Variants in SLC39A10 observed in about 807,000 individuals in gnomAD.
SLC39A10 encodes zinc transporter ZIP10.
Under a neutral mutation model 65.1 loss-of-function variants are expected in SLC39A10, and 13 were observed. That is an observed-to-expected ratio of 0.20 (90% CI 0.13 to 0.32). The LOEUF (loss-of-function observed/expected upper bound fraction) is 0.32. Among genes scored for constraint, SLC39A10 ranks in the 10% least tolerant of loss-of-function variants. The pLI, the probability that SLC39A10 is intolerant of heterozygous loss-of-function variation, is 1.00. For synonymous variants in SLC39A10, 321 were observed against 342.2 expected (o/e 0.94, Z 0.68); for missense variants, 831 against 1,018.4 (o/e 0.82, Z 2.50).
At chr2:195,646,249 C>G (rs1174608790) in intron 2 of SLC39A10, among the ~76,000 whole-genome samples, 1 of 152,108 alleles carries the variant, frequency 6.6e-6, no homozygotes, top group East Asian at 1.9e-4. Flanking sequence ...CTCAACAATT[C>G]TTTTTATTTT....
At chr2:195,725,682 A>G (rs143956502) in intron 8 of SLC39A10, among the ~76,000 whole-genome samples, 1 of 152,326 alleles carries the variant, frequency 6.6e-6, no homozygotes, top group East Asian at 1.9e-4. Flanking sequence ...GGCTTTCTTC[A>G]TAATTGCCAA....
chr2:195,645,556 C>T (rs939990206), intron 2 of SLC39A10, among the ~76,000 whole-genome samples: 7 of 152,188 alleles, frequency 4.6e-5, no homozygotes, highest in South Asian at 2.1e-4. Flanking sequence ...CAAACAGAAA[C>T]GCTACCAATT....
rs1017151227 is a variant in SLC39A10, at chr2:195,699,165, T to C, written c.1217-7451T>C. 9.9e-5 allele frequency among the ~76,000 whole-genome samples: 15 copies of C among 152,036 alleles called. 1 individual carries two copies. The highest frequency in any genetic ancestry group is 1.9e-4 in the Non-Finnish European group (13 of 67,918). On this transcript the variant is annotated intron_variant, in intron 3 of 9. Coordinates refer to ENST00000359634, the MANE Select transcript of SLC39A10 (RefSeq NM_020342.3). ...ACATCCCCACTTTAATTTCTGAATT[T>C]AGTAATTTGTATCTTCTCTCTTTTT...
At chr2:195,623,901 C>CCACACACACA (rs67959883) in intron 2 of SLC39A10, among the ~76,000 whole-genome samples, 15 of 142,846 alleles carry the variant, frequency 1.1e-4, no homozygotes, top group African/African-American at 2.9e-4. Context: ...AAACAAAAAA[C>CCACACACACA]CACACACACA....
At chr2:195,672,183 C>T in intron 1 of SLC39A10, among the ~76,000 whole-genome samples, 1 of 151,894 alleles carries the variant, frequency 6.6e-6, no homozygotes, top group East Asian at 1.9e-4. Flanking sequence ...CTGGAGTGCA[C>T]AGCACAGCAC....
intron 2 of SLC39A10, among the ~76,000 whole-genome samples, chr2:195,616,825 A>C (rs576777666): frequency 1.3e-5 from 2 of 151,268 alleles, no homozygotes; most frequent in African/African-American, 2.4e-5. Context: ...GGATGGTCTC[A>C]ATCTCCTGAC....
At chr2:195,640,875 T>A (rs964014173) in intron 2 of SLC39A10, among the ~76,000 whole-genome samples, 2 of 152,060 alleles carry the variant, frequency 1.3e-5, no homozygotes, top group Admixed American at 1.3e-4. Flanking sequence ...GTCGACAGGT[T>A]AAGGATAAAG....
intron 5 of SLC39A10, among the ~76,000 whole-genome samples, chr2:195,711,122 A>C (rs776072194): frequency 3.8e-4 from 58 of 152,210 alleles, no homozygotes; most frequent in Non-Finnish European, 6.6e-4. Context: ...TAGATATTGC[A>C]AAGTTTGTAA....
chr2:195,648,092 C>T (rs1688961536), intron 2 of SLC39A10, among the ~76,000 whole-genome samples: 1 of 152,110 alleles, frequency 6.6e-6, no homozygotes, highest in African/African-American at 2.4e-5. Context: ...TCCTGGGCTC[C>T]AGTGATCCTC....
At chr2:195,690,173 G>GAAAAAAAAAAA (rs34116515) in intron 3 of SLC39A10, among the ~76,000 whole-genome samples, 3 of 61,150 alleles carry the variant, frequency 4.9e-5, no homozygotes, top group Non-Finnish European at 9.3e-5. Context: ...GAGACTCTCT[G>GAAAAAAAAAAA]AAAAAAAAAA....
At position 195,728,307 on chromosome 2, in the gene SLC39A10, A is replaced by G. The variant is rs1439613224; in HGVS notation, c.2295A>G (p.Ala765=). The change falls in exon 9 of 10, where the codon GCA becomes GCG. Residue 765 remains alanine (A), a synonymous_variant. Transcript: ENST00000359634. This position sits in a 1 kb window ranked among gnomAD's most constrained non-coding sequence, Gnocchi z 4.4. ...YANNITLWIF[A]VTAGMFLYVA... is the part of the protein sequence containing the mutation. The stretch of plus-strand genomic sequence containing the variant: ...ATAACATCACACTTTGGATCTTTGC[A>G]GTCACTGCAGGCATGTTCCTCTATG... The G allele has an allele frequency of 6.2e-7, 1 of 1,614,056 alleles. No homozygotes were observed. Among genetic ancestry groups the G allele is most frequent in the African/African-American group, 1.3e-5 (1 of 75,060 alleles).
chr2:195,715,080 A>G (rs1201726813), intron 6 of SLC39A10, among the ~76,000 whole-genome samples: 7 of 152,332 alleles, frequency 4.6e-5, no homozygotes, highest in African/African-American at 1.7e-4. Flanking sequence ...TCAAATTAGT[A>G]AGCTTAAGTG....
chr2:195,644,890 CTTTA>C (rs55931319), intron 2 of SLC39A10, among the ~76,000 whole-genome samples: 117 of 138,218 alleles, frequency 8.5e-4, no homozygotes, highest in South Asian at 1.7e-3. Flanking sequence ...AATCTAACTA[CTTTA>C]TTTATTTATT....
intron 9 of SLC39A10, among the ~76,000 whole-genome samples, chr2:195,729,584 C>T (rs1692367323): frequency 6.6e-6 from 1 of 152,210 alleles, no homozygotes; most frequent in African/African-American, 2.4e-5. Flanking sequence ...CTCCTGCAAA[C>T]TGTTCCCTAG....
At chr2:195,663,264 G>A (rs1689478001) in intron 1 of SLC39A10, among the ~76,000 whole-genome samples, 1 of 151,932 alleles carries the variant, frequency 6.6e-6, no homozygotes, top group East Asian at 1.9e-4. Context: ...AAAACTGCAT[G>A]CTTACAGGCC....
At chr2:195,698,829 T>G (rs1444881353) in intron 3 of SLC39A10, among the ~76,000 whole-genome samples, 2 of 152,064 alleles carry the variant, frequency 1.3e-5, no homozygotes, top group African/African-American at 4.8e-5. Context: ...CCTCATAGAA[T>G]GAGTTAGAAA....
At chr2:195,645,151 C>T (rs145848472) in intron 2 of SLC39A10, among the ~76,000 whole-genome samples, 3,244 of 152,000 alleles carry the variant, frequency 0.021, 85 homozygotes, top group East Asian at 0.064. Flanking sequence ...TCAGGTGATC[C>T]GCCTGCCTCG....
intron 8 of SLC39A10, among the ~76,000 whole-genome samples, chr2:195,720,571 T>C (rs1295392347): frequency 1.3e-5 from 2 of 152,250 alleles, no homozygotes; most frequent in African/African-American, 4.8e-5. Flanking sequence ...ATTTGTAGTA[T>C]TTGCTCATTT....
At chr2:195,732,619 G>A (rs1208497970) in intron 9 of SLC39A10, among the ~76,000 whole-genome samples, 1 of 152,156 alleles carries the variant, frequency 6.6e-6, no homozygotes, top group Non-Finnish European at 1.5e-5. Context: ...AAGTATTTAA[G>A]GAAAGTCATA....
Sources: allele counts gnomAD v4.1 joint callset (sites outside exome capture counted in the v4.1 genomes callset), GRCh38; gene constraint gnomAD v4.1.1; non-coding constraint Gnocchi (gnomAD v3.1); transcripts MANE v1.5; gene names NCBI Gene and HGNC (gene_info 2026-07-23, HGNC 2026-07-21).